The following REV3L variants were observed in gnomAD, a reference collection of about 807,000 sequenced individuals.
REV3L encodes the protein REV3 like, DNA directed polymerase zeta catalytic subunit, also known as DNA polymerase zeta catalytic subunit.
REV3L carries 69 observed loss-of-function variants against 299.4 expected under a neutral mutation model. The ratio of observed to expected loss-of-function variants is 0.23; its 90% CI spans 0.19 to 0.28. The LOEUF is 0.28. Among genes scored for constraint, REV3L ranks in the 10% least tolerant of loss-of-function variants. The pLI is 1.00. For synonymous variants in REV3L, 1,238 were observed against 1,271.4 expected, an observed-to-expected ratio of 0.97 and a Z score of 0.56; for missense variants, 3,128 against 3,693.8, an observed-to-expected ratio of 0.85 and a Z score of 3.97.
intron 9 of REV3L, among the ~76,000 whole-genome samples, chr6:111,383,601 T>C (rs189115767): frequency 6.6e-6 from 1 of 152,136 alleles, no homozygotes; most frequent in African/African-American, 2.4e-5. Flanking sequence ...ATGCAAGAAA[T>C]TGAAGAGTAC....
At chr6:111,407,133 TTCAAA>T (rs1408056474) in intron 3 of REV3L, among the ~76,000 whole-genome samples, 2 of 152,058 alleles carry the variant, frequency 1.3e-5, no homozygotes, top group African/African-American at 4.8e-5. Flanking sequence ...GGGGCTAAAA[TTCAAA>T]TCAAAATTTC....
chr6:111,428,182 CAG>C (rs1236274890), intron 1 of REV3L, among the ~76,000 whole-genome samples: 4 of 151,956 alleles, frequency 2.6e-5, no homozygotes, highest in Non-Finnish European at 5.9e-5. Context: ...CAACAGAAAA[CAG>C]GGAACCATGA....
chr6:111,465,745 C>CAAAAAAAAAAAAA (rs376561912), intron 1 of REV3L, among the ~76,000 whole-genome samples: 1 of 76,862 alleles, frequency 1.3e-5, no homozygotes, highest in African/African-American at 5.4e-5. Context: ...AAACAAAAAC[C>CAAAAAAAAAAAAA]AAAAAAAAAA....
At position 111,405,639 on chromosome 6, in the gene REV3L, GA is replaced by G. The variant is rs199861531; in HGVS notation, c.405-10del. 88 of 1,536,834 alleles carry G rather than the reference GA, an allele frequency of 5.7e-5. No homozygotes were observed. The highest frequency in any genetic ancestry group is 2.6e-4 in the East Asian group (11 of 43,040). The stretch of plus-strand genomic sequence containing the variant: ...GCAAAAGTTCACATATCCTAAATTA[GA>G]AAAAAAAAGTTTTATCATAAAATTA... On this transcript the variant is annotated splice_polypyrimidine_tract_variant and intron_variant, in intron 3 of 31. Transcript: ENST00000368802.
chr6:111,376,615 T>C lies in REV3L; in HGVS notation c.1740A>G (p.Lys580=). The stretch of plus-strand genomic sequence containing the variant: ...CATGGGAAGAAAGGGCACTTGTGTG[T>C]TTACACTGAAAGGTAATCTTAGCAG... ...SSSAKITFQC[K]HTSALSSHVL... is the part of the protein sequence containing the mutation. Residue 580 remains lysine, a synonymous_variant, in exon 13 of 32, where the codon AAA becomes AAG. Transcript: ENST00000368802. The C allele has an allele frequency of 6.2e-7, 1 of 1,613,374 alleles. No homozygotes were observed. The highest frequency in any genetic ancestry group is 1.3e-5 in the African/African-American group (1 of 75,056).
chr6:111,394,061 T>A (rs1782218906), intron 4 of REV3L, among the ~76,000 whole-genome samples: 2 of 152,236 alleles, frequency 1.3e-5, no homozygotes, highest in Admixed American at 1.3e-4. Flanking sequence ...ATTCCGCATC[T>A]TGGCTATTAT....
intron 1 of REV3L, among the ~76,000 whole-genome samples, chr6:111,449,530 C>T (rs965268983): frequency 4.6e-5 from 7 of 152,136 alleles, no homozygotes; most frequent in African/African-American, 1.4e-4. Flanking sequence ...GGAACAATCC[C>T]AAGGGCTCAC....
intron 1 of REV3L, among the ~76,000 whole-genome samples, chr6:111,419,731 A>T (rs1785112329): frequency 1.3e-5 from 2 of 152,356 alleles, no homozygotes; most frequent in Middle Eastern, 3.4e-3. Context: ...ACTTCAGTCC[A>T]GGCGCTTTTC....
At chr6:111,385,694 G>A (rs942243866) in intron 9 of REV3L, among the ~76,000 whole-genome samples, 21 of 151,820 alleles carry the variant, frequency 1.4e-4, no homozygotes, top group Admixed American at 1.2e-3. Context: ...AGCCTAGATG[G>A]AGAGAAAACA....
chr6:111,304,604 T>C (rs1772054999), intron 31 of REV3L, among the ~76,000 whole-genome samples: 1 of 151,508 alleles, frequency 6.6e-6, no homozygotes. Flanking sequence ...ATAAATAGCA[T>C]CGCTTTTTCT....
chr6:111,464,264 C>T (rs937472636), intron 1 of REV3L, among the ~76,000 whole-genome samples: 4 of 152,110 alleles, frequency 2.6e-5, no homozygotes, highest in East Asian at 1.9e-4. Flanking sequence ...GGGTTGTATA[C>T]GATCATTAGT....
Position 111,374,155 on chromosome 6 carries a change from T to A in REV3L, c.4200A>T (p.Leu1400Phe). 6.2e-7 allele frequency: 1 copy of A among 1,614,096 alleles called. No individual in the cohort carries two copies. Among genetic ancestry groups the A allele is most frequent in the Non-Finnish European group, 8.5e-7 (1 of 1,179,934 alleles). The change falls in exon 13 of 32, where the codon TTA becomes TTT. Residue 1400 changes from leucine to phenylalanine, a missense_variant. Leu to Phe is a conservative substitution (Grantham distance 22, BLOSUM62 0). This residue lies in a region of REV3L where 2,409 missense variants were observed against 2,611.8 expected (regional missense o/e 0.92). Coordinates refer to ENST00000368802, the MANE Select transcript of REV3L (RefSeq NM_001372078.1). ...QRNYLSSIGKLSEYRNSLESK... is the reference protein window; with the variant it reads ...QRNYLSSIGKFSEYRNSLESK... ...ATTCTAGGGAATTGCGATATTCACT[T>A]AACTTTCCGATTGATGACAAATAGT...
At chr6:111,349,019 A>C (rs1777316131) in intron 20 of REV3L, 199 bp downstream of exon 20, 1 of 396,192 alleles carries the variant, frequency 2.5e-6, no homozygotes, top group African/African-American at 2.1e-5. Flanking sequence ...AAAAAAAAAA[A>C]AACTCACTTA....
At chr6:111,429,187 T>A (rs998121971) in intron 1 of REV3L, among the ~76,000 whole-genome samples, 7 of 152,246 alleles carry the variant, frequency 4.6e-5, no homozygotes, top group African/African-American at 1.7e-4. Context: ...TTTTTAAATC[T>A]TCTTTTGTAG....
intron 30 of REV3L, among the ~76,000 whole-genome samples, chr6:111,308,540 G>A (rs1254518969): frequency 3.3e-5 from 5 of 152,156 alleles, no homozygotes; most frequent in Non-Finnish European, 7.4e-5. Context: ...TATCATTTTC[G>A]CACCATCGTT....
At chr6:111,388,792 T>C (rs1781604949) in intron 7 of REV3L, among the ~76,000 whole-genome samples, 1 of 152,172 alleles carries the variant, frequency 6.6e-6, no homozygotes, top group Non-Finnish European at 1.5e-5. Context: ...GAGTTTTCTA[T>C]AGCTCATTTG....
intron 9 of REV3L, among the ~76,000 whole-genome samples, 179 bp downstream of exon 9, chr6:111,387,586 C>T (rs1781471979): frequency 6.6e-6 from 1 of 152,086 alleles, no homozygotes; most frequent in Non-Finnish European, 1.5e-5. Flanking sequence ...GCACTAACTT[C>T]AGGATACTGC....
At position 111,416,202 on chromosome 6, in the gene REV3L, A is replaced by C. The variant is rs935851696; in HGVS notation, c.329+81T>G. The C allele has an allele frequency of 8.5e-6, 8 of 938,472 alleles. No homozygotes were observed. The African/African-American group carries it at 1.3e-4, about 16-fold the overall frequency. 58.1% of individuals were successfully genotyped at this position (938,472 alleles called of 1,614,324 possible). A position where few individuals can be genotyped will look rare whatever the true frequency, so the allele number is the denominator to read the frequency against. ...ATTAGACTAGAAGTAAAAGAAATAG[A>C]GTTTATCAACTGAGTATGTTTTCCT... On this transcript the variant is annotated intron_variant, in intron 2 of 31. Transcript: ENST00000368802.
rs1780867031 is a variant in REV3L, at chr6:111,381,885, T to A, written c.1097-441A>T. ...GACAGTGCTCATTATTTGACACATG[T>A]GTATTGGACTCTCTTTTGAATGCAT... On this transcript the variant is annotated intron_variant, in intron 9 of 31. Transcript: ENST00000368802. Among the ~76,000 whole-genome samples, 2 of 152,178 alleles carry A rather than the reference T, an allele frequency of 1.3e-5. 1 individual carries two copies. The highest frequency in any genetic ancestry group is 4.1e-4 in the South Asian group (2 of 4,826).
Sources: gnomAD v4.1 joint callset for allele counts (sites outside exome capture counted in the v4.1 genomes callset) on GRCh38, gnomAD v4.1.1 for gene constraint, gnomAD v4.1.1 regional missense constraint, MANE v1.5 for transcripts, NCBI Gene and HGNC (gene_info 2026-07-23, HGNC 2026-07-21) for gene names.